AUTS2: variants seen among roughly 807,000 people sequenced by gnomAD.
AUTS2 encodes autism susceptibility gene 2 protein.
AUTS2 carries 17 observed loss-of-function variants against 112.4 expected under a neutral mutation model. That is an observed-to-expected ratio of 0.15 (90% confidence interval 0.10 to 0.23). The LOEUF (loss-of-function observed/expected upper bound fraction) is 0.23. AUTS2 is among the 10% of genes least tolerant of loss of function. The probability of loss-of-function intolerance (pLI) is 1.00; values close to 1 mark genes in which losing one functional copy is unlikely to be tolerated. For synonymous variants in AUTS2, 751 were observed against 702.7 expected (o/e 1.07, Z -1.09); for missense variants, 1,510 against 1,701.6 (o/e 0.89, Z 1.98).
At chr7:70,609,120 A>G (rs373330980) in intron 5 of AUTS2, among the ~76,000 whole-genome samples, 25 of 152,142 alleles carry the variant, frequency 1.6e-4, no homozygotes, top group African/African-American at 5.6e-4. Context: ...TAAGAATACA[A>G]TGTTATTATC....
chr7:70,229,694 T>C (rs1043972406), intron 4 of AUTS2, among the ~76,000 whole-genome samples: 1 of 152,190 alleles, frequency 6.6e-6, no homozygotes, highest in Non-Finnish European at 1.5e-5. Context: ...ATCTCCATTA[T>C]GTGTGTGTTT....
At chr7:69,885,732 G>A (rs572732226) in intron 1 of AUTS2, among the ~76,000 whole-genome samples, 16 of 152,220 alleles carry the variant, frequency 1.1e-4, no homozygotes, top group African/African-American at 3.4e-4. Context: ...AAAACTGATG[G>A]TGCCTGCTTA....
intron 2 of AUTS2, among the ~76,000 whole-genome samples, chr7:70,104,412 G>C (rs1273183600): frequency 6.6e-6 from 1 of 152,144 alleles, no homozygotes; most frequent in African/African-American, 2.4e-5. Flanking sequence ...GCTGATTGCT[G>C]ATTGAAAACA....
chr7:70,134,542 G>C lies in AUTS2; in HGVS notation c.631G>C (p.Ala211Pro). 1 of 1,613,794 alleles carries C rather than the reference G, an allele frequency of 6.2e-7. No homozygotes were observed. Among genetic ancestry groups the C allele is most frequent in the Non-Finnish European group, 8.5e-7 (1 of 1,179,746 alleles). Residue 211 changes from alanine (A) to proline (P), a missense_variant, in exon 4 of 19, where the codon GCT (alanine) becomes CCT (proline). Ala to Pro is a conservative substitution (Grantham distance 27, BLOSUM62 -1). This residue lies in a region of AUTS2 where 535 missense variants were observed against 594.3 expected (regional missense o/e 0.90). Coordinates refer to ENST00000342771, the MANE Select transcript of AUTS2 (RefSeq NM_015570.4). ...TCTTTATGCTTTATTGCAGAGTTCA[G>C]CTCCTTCCAGCTTGGGAACAGGCTA... ...SSRERLSDSS[A>P]PSSLGTGYFC...
At chr7:69,680,770 A>G (rs1318743748) in intron 1 of AUTS2, among the ~76,000 whole-genome samples, 1 of 152,110 alleles carries the variant, frequency 6.6e-6, no homozygotes, top group African/African-American at 2.4e-5. Flanking sequence ...CCCAGGTTCA[A>G]GTGATTCTCC....
intron 4 of AUTS2, among the ~76,000 whole-genome samples, chr7:70,282,856 G>A (rs913277118): frequency 6.6e-6 from 1 of 152,050 alleles, no homozygotes; most frequent in African/African-American, 2.4e-5. Context: ...TTCAAGAAAC[G>A]CCTCCATCCT....
chr7:70,746,052 C>T (rs182551363), intron 6 of AUTS2, among the ~76,000 whole-genome samples: 34 of 152,242 alleles, frequency 2.2e-4, no homozygotes, highest in Admixed American at 2.0e-3. Flanking sequence ...TGGAAGGCAT[C>T]GTGTGCAGAA....
At position 70,762,910 on chromosome 7, in the gene AUTS2, C is replaced by T; in HGVS notation, c.783C>T (p.Ser261=). 6.2e-7 allele frequency: 1 copy of T among 1,614,064 alleles called. No homozygotes were observed. The highest frequency in any genetic ancestry group is 8.5e-7 in the Non-Finnish European group (1 of 1,179,982). Reference sequence around the variant, plus strand: ...TTGGCACGCTACCAGAACATGACAGCCAGGATGCAGGGCCGATTGTCCCCA... The same window carrying T: ...TTGGCACGCTACCAGAACATGACAGTCAGGATGCAGGGCCGATTGTCCCCA... ...LGVGTLPEHD[S]QDAGPIVPKI... Residue 261 remains serine, a synonymous_variant, in exon 7 of 19, where the codon AGC becomes AGT. Coordinates refer to ENST00000342771, the MANE Select transcript of AUTS2 (RefSeq NM_015570.4).
intron 4 of AUTS2, among the ~76,000 whole-genome samples, chr7:70,163,397 T>G: frequency 7.5e-6 from 1 of 134,062 alleles, no homozygotes; most frequent in East Asian, 2.2e-4. Flanking sequence ...GATCTTTAGA[T>G]ATCTTTAGCA....
chr7:70,273,678 C>A (rs908595793), intron 4 of AUTS2, among the ~76,000 whole-genome samples: 1 of 151,960 alleles, frequency 6.6e-6, no homozygotes, highest in African/African-American at 2.4e-5. Flanking sequence ...TCCAGTACCC[C>A]CTCACCTTCA....
Position 70,233,523 on chromosome 7 carries a change from A to G in AUTS2, c.660+98952A>G, listed in dbSNP as rs540407680. Among the ~76,000 whole-genome samples the G allele has an allele frequency of 6.6e-5, 10 of 152,330 alleles. No individual in the cohort carries two copies. In the South Asian group the frequency reaches 1.0e-3, roughly 16 times the overall value. On this transcript the variant is annotated intron_variant, in intron 4 of 18. Transcript: ENST00000342771. ...TAATGGACCTCACATAATTGTGACT[A>G]TGACTCCAGGTCTGCTGCGTTTAGA...
At chr7:70,460,284 G>C (rs1330882998) in intron 5 of AUTS2, among the ~76,000 whole-genome samples, 1 of 149,896 alleles carries the variant, frequency 6.7e-6, no homozygotes, top group Non-Finnish European at 1.5e-5. Context: ...ACCGTGTCCT[G>C]AGAGGTCCCC....
At chr7:70,327,373 A>C (rs1446713340) in intron 4 of AUTS2, among the ~76,000 whole-genome samples, 1 of 152,174 alleles carries the variant, frequency 6.6e-6, no homozygotes, top group Non-Finnish European at 1.5e-5. Flanking sequence ...GGTCTTCTCA[A>C]AATGCCTATT....
At chr7:70,450,528 G>T (rs1266631074) in intron 5 of AUTS2, among the ~76,000 whole-genome samples, 1 of 152,140 alleles carries the variant, frequency 6.6e-6, no homozygotes, top group Non-Finnish European at 1.5e-5. Flanking sequence ...GTTTGGTCAG[G>T]GTCCATGGCA....
intron 14 of AUTS2, among the ~76,000 whole-genome samples, chr7:70,779,478 G>A (rs1563193546): frequency 6.6e-6 from 1 of 152,182 alleles, no homozygotes; most frequent in African/African-American, 2.4e-5. Context: ...TTAATGGGTG[G>A]TGTCATTTCC....
At chr7:70,498,315 C>T (rs774643206) in intron 5 of AUTS2, among the ~76,000 whole-genome samples, 3 of 152,100 alleles carry the variant, frequency 2.0e-5, no homozygotes, top group Non-Finnish European at 4.4e-5. Flanking sequence ...TAATTTTTGC[C>T]TTAATGGCTT....
At position 70,520,251 on chromosome 7, in the gene AUTS2, T is replaced by C. The variant is rs1799587621; in HGVS notation, c.690+84470T>C. Among the ~76,000 whole-genome samples the C allele has an allele frequency of 4.6e-5, 7 of 152,290 alleles. No homozygotes were observed. The South Asian group carries it at 6.2e-4, about 14-fold the overall frequency. On this transcript the variant is annotated intron_variant, in intron 5 of 18. Coordinates refer to ENST00000342771, the MANE Select transcript of AUTS2 (RefSeq NM_015570.4). ...TGACACACATGCATACACACACACATGAGCAAGCTTAAAGTCCTGCATGAC... is the reference window on the plus strand; with the variant it reads ...TGACACACATGCATACACACACACACGAGCAAGCTTAAAGTCCTGCATGAC...
At chr7:70,326,033 C>G (rs1790470551) in intron 4 of AUTS2, among the ~76,000 whole-genome samples, 1 of 152,100 alleles carries the variant, frequency 6.6e-6, no homozygotes, top group Non-Finnish European at 1.5e-5. Context: ...TGCTTTTTGC[C>G]CTGCTGATGG....
At chr7:70,649,867 C>A (rs1806401757) in intron 5 of AUTS2, among the ~76,000 whole-genome samples, 1 of 152,124 alleles carries the variant, frequency 6.6e-6, no homozygotes, top group Non-Finnish European at 1.5e-5. Flanking sequence ...GATCTGTGTG[C>A]CACATTTCCT....
Sources: gnomAD v4.1 joint callset for allele counts (sites outside exome capture counted in the v4.1 genomes callset) on GRCh38, gnomAD v4.1.1 for gene constraint, gnomAD v4.1.1 regional missense constraint, MANE v1.5 for transcripts, NCBI Gene and HGNC (gene_info 2026-07-23, HGNC 2026-07-21) for gene names.